ANXA10: variants seen among roughly 807,000 people sequenced by gnomAD.
The protein encoded by ANXA10 is annexin 14.
ANXA10 carries 49 observed loss-of-function variants against 53.5 expected under a neutral mutation model. The observed-to-expected ratio is 0.92, with a 90% confidence interval of 0.73 to 1.16. ANXA10 has a LOEUF of 1.16. Ranked by LOEUF, ANXA10 falls within the 50% of genes most tolerant of loss-of-function variation. The pLI is 0.00. For synonymous variants in ANXA10, 131 were observed against 128.9 expected, an observed-to-expected ratio of 1.02 and a Z score of -0.11; for missense variants, 393 against 394.4, an observed-to-expected ratio of 1.00 and a Z score of 0.03.
At chr4:168,108,101 G>A (rs2149465680) in intron 1 of ANXA10, among the ~76,000 whole-genome samples, 1 of 152,292 alleles carries the variant, frequency 6.6e-6, no homozygotes, top group Non-Finnish European at 1.5e-5. Flanking sequence ...TGGCACTGGT[G>A]AGAGTGTCTT....
At chr4:168,124,349 G>A (rs1465400251) in intron 1 of ANXA10, among the ~76,000 whole-genome samples, 3 of 152,150 alleles carry the variant, frequency 2.0e-5, no homozygotes, top group Admixed American at 6.5e-5. Flanking sequence ...TGACACAGAA[G>A]TTCCTTTTAG....
At chr4:168,117,170 T>C (rs1397173862) in intron 1 of ANXA10, among the ~76,000 whole-genome samples, 2 of 152,042 alleles carry the variant, frequency 1.3e-5, no homozygotes, top group Non-Finnish European at 2.9e-5. Flanking sequence ...TTGAGCCTGG[T>C]TGGTTGAGGA....
rs1017547334 is a variant in ANXA10, at chr4:168,177,983, G to A, written c.628G>A (p.Val210Ile). ...CNKSYQQLRL[V>I]FQEFQNISGQ... is the part of the protein sequence containing the mutation. ...CAAGAGCTACCAGCAGCTGCGGCTG[G>A]GTAATTATTAACTGGGTTTCGTTCC... The change falls in exon 8 of 12, where the codon GTT becomes ATT. Residue 210 changes from valine to isoleucine, a missense_variant and splice_region_variant. By Grantham distance (29) the Val-to-Ile change is conservative. Transcript: ENST00000359299. The A allele has an allele frequency of 1.7e-5, 27 of 1,612,818 alleles. No homozygotes were observed. Among genetic ancestry groups the A allele is most frequent in the East Asian group, 2.2e-5 (1 of 44,872 alleles).
At chr4:168,179,385 T>A in intron 9 of ANXA10, 73 bp downstream of exon 9, 1 of 1,028,500 alleles carries the variant, frequency 9.7e-7, no homozygotes, top group Non-Finnish European at 1.5e-6. Flanking sequence ...CTGATTGAAC[T>A]AAAGATGCAT....
At chr4:168,121,528 AAAGTG>A (rs941353632) in intron 1 of ANXA10, among the ~76,000 whole-genome samples, 95 of 152,290 alleles carry the variant, frequency 6.2e-4, no homozygotes, top group African/African-American at 2.2e-3. Flanking sequence ...CATAATTTTT[AAAGTG>A]AATAGTTTAA....
intron 6 of ANXA10, among the ~76,000 whole-genome samples, chr4:168,166,809 C>A (rs1731889116): frequency 6.6e-6 from 1 of 152,002 alleles, no homozygotes; most frequent in Admixed American, 6.6e-5. Flanking sequence ...GAATTTTGTA[C>A]ATGGGAACAT....
chr4:168,181,958 T>C (rs998454033), intron 10 of ANXA10, among the ~76,000 whole-genome samples: 3 of 152,216 alleles, frequency 2.0e-5, no homozygotes, highest in Non-Finnish European at 4.4e-5. Flanking sequence ...TAGGGAACCA[T>C]ATTTGGGGTG....
intron 3 of ANXA10, among the ~76,000 whole-genome samples, chr4:168,140,425 A>G (rs936913549): frequency 3.9e-5 from 6 of 152,234 alleles, no homozygotes; most frequent in Admixed American, 6.5e-5. Context: ...AGCTACTATC[A>G]GTAGTGACCT....
chr4:168,156,182 AT>A lies in ANXA10; in HGVS notation c.196-6344del, dbSNP rs1560784461. On this transcript the variant is annotated intron_variant, in intron 3 of 11. Coordinates refer to ENST00000359299, the MANE Select transcript of ANXA10 (RefSeq NM_007193.5). ...ATATATTATATATATTATATTATAT[AT>A]TATATATTATATATAATATATATTA... Among the ~76,000 whole-genome samples, 87 of 16,738 alleles carry A rather than the reference AT, an allele frequency of 5.2e-3. 2 individuals carry two copies. The highest frequency in any genetic ancestry group is 0.029 in the African/African-American group (75 of 2,562). 11.0% of individuals were successfully genotyped at this position (16,738 alleles called of 152,430 possible).
intron 6 of ANXA10, among the ~76,000 whole-genome samples, chr4:168,176,192 A>G (rs1268540556): frequency 6.6e-6 from 1 of 152,140 alleles, no homozygotes; most frequent in Non-Finnish European, 1.5e-5. Context: ...GATCTTGACT[A>G]TGGAATAGCA....
At chr4:168,098,713 C>T (rs1362411347) in intron 1 of ANXA10, among the ~76,000 whole-genome samples, 5 of 151,940 alleles carry the variant, frequency 3.3e-5, no homozygotes, top group African/African-American at 1.2e-4. Context: ...TCTTACACCA[C>T]ACAGTTATGA....
At chr4:168,187,339 T>C (rs1179247241) in intron 11 of ANXA10, 27 bp from the exon 12 acceptor site, 1 of 1,446,152 alleles carries the variant, frequency 6.9e-7, no homozygotes, top group Admixed American at 1.8e-5. Flanking sequence ...ATATTTTATT[T>C]CAAATATATT....
intron 3 of ANXA10, among the ~76,000 whole-genome samples, chr4:168,158,441 T>G (rs1731726085): frequency 6.6e-6 from 1 of 152,220 alleles, no homozygotes; most frequent in Admixed American, 6.5e-5. Flanking sequence ...GTTAAATTCA[T>G]CATTTTTTCA....
intron 6 of ANXA10, among the ~76,000 whole-genome samples, chr4:168,165,878 T>C (rs1169844816): frequency 2.6e-5 from 4 of 152,086 alleles, no homozygotes; most frequent in Non-Finnish European, 1.5e-5. Context: ...GGTTTCACCA[T>C]GTTGGCAAGG....
intron 1 of ANXA10, among the ~76,000 whole-genome samples, chr4:168,123,656 G>T (rs1731025085): frequency 6.6e-6 from 1 of 152,100 alleles, no homozygotes; most frequent in Non-Finnish European, 1.5e-5. Context: ...AAATGTAGAT[G>T]TCTAGTTGGG....
At chr4:168,171,562 G>T (rs950721345) in intron 6 of ANXA10, among the ~76,000 whole-genome samples, 1 of 152,084 alleles carries the variant, frequency 6.6e-6, no homozygotes, top group African/African-American at 2.4e-5. Context: ...TGGAGCATAG[G>T]AGCCTTAGGT....
intron 1 of ANXA10, among the ~76,000 whole-genome samples, chr4:168,109,751 A>G (rs966910751): frequency 6.6e-6 from 1 of 152,180 alleles, no homozygotes; most frequent in African/African-American, 2.4e-5. Flanking sequence ...TTTCTTACCT[A>G]TATAAAATCA....
chr4:168,182,781 C>G (rs1199213175), intron 10 of ANXA10, among the ~76,000 whole-genome samples: 1 of 149,618 alleles, frequency 6.7e-6, no homozygotes, highest in Non-Finnish European at 1.5e-5. Context: ...GAGGCCGAGG[C>G]GGGTGGATCA....
intron 6 of ANXA10, among the ~76,000 whole-genome samples, chr4:168,176,754 A>G (rs1428954591): frequency 6.6e-6 from 1 of 151,992 alleles, no homozygotes; most frequent in African/African-American, 2.4e-5. Flanking sequence ...TAACCCCAAC[A>G]TTTTGAGAGG....
Sources: allele counts gnomAD v4.1 joint callset (sites outside exome capture counted in the v4.1 genomes callset), GRCh38; gene constraint gnomAD v4.1.1; transcripts MANE v1.5; gene names NCBI Gene and HGNC (gene_info 2026-07-23, HGNC 2026-07-21).